Variants in PDE1C observed in about 807,000 individuals in gnomAD.
PDE1C encodes the protein dual specificity calcium/calmodulin-dependent 3',5'-cyclic nucleotide phosphodiesterase 1C.
A neutral mutation model predicts 93.1 loss-of-function variants in PDE1C; 62 were observed. The observed-to-expected ratio is 0.67, with a 90% CI of 0.54 to 0.82. PDE1C has a LOEUF of 0.82. Ranked by LOEUF, PDE1C falls within the 40% of genes least tolerant of loss-of-function variation. PDE1C has a pLI of 0.00. For missense variants in PDE1C, 742 were observed against 884.6 expected, an observed-to-expected ratio of 0.84 and a Z score of 2.04; for synonymous variants, 325 against 310.1, an observed-to-expected ratio of 1.05 and a Z score of -0.50.
chr7:31,629,285 A>G, the PDE1C span, among the ~76,000 whole-genome samples: 3 of 19,050 alleles, frequency 1.6e-4, no homozygotes, highest in South Asian at 2.5e-3. Context: ...AAACAACACA[A>G]TCTTTATATA....
At chr7:31,980,285 T>C (rs571157450) in intron 2 of PDE1C, among the ~76,000 whole-genome samples, 2 of 152,220 alleles carry the variant, frequency 1.3e-5, no homozygotes, top group Non-Finnish European at 2.9e-5. Context: ...GAAGTAATTA[T>C]TTTTAGAATA....
intron 1 of PDE1C, among the ~76,000 whole-genome samples, chr7:32,067,273 C>T (rs1795511447): frequency 6.6e-6 from 1 of 152,070 alleles, no homozygotes; most frequent in Non-Finnish European, 1.5e-5. Context: ...TTACTGTATA[C>T]CGGGTGGAAG....
intron 1 of PDE1C, among the ~76,000 whole-genome samples, chr7:32,408,605 A>G (rs765062882): frequency 1.4e-4 from 22 of 152,314 alleles, no homozygotes; most frequent in Non-Finnish European, 2.9e-4. Context: ...CCTAGCCAAC[A>G]TGGGGAAACC....
At chr7:32,413,965 T>G (rs1785223253) in intron 1 of PDE1C, among the ~76,000 whole-genome samples, 1 of 152,050 alleles carries the variant, frequency 6.6e-6, no homozygotes, top group South Asian at 2.1e-4. Context: ...GTAATCCCAG[T>G]ACTTTCAGAG....
chr7:32,181,091 G>A (rs1803374799), intron 2 of PDE1C, among the ~76,000 whole-genome samples: 1 of 152,112 alleles, frequency 6.6e-6, no homozygotes, highest in East Asian at 1.9e-4. Context: ...CATGATATCT[G>A]GATCATATAT....
chr7:32,007,171 T>C (rs760590412), intron 2 of PDE1C, among the ~76,000 whole-genome samples: 48 of 152,190 alleles, frequency 3.2e-4, no homozygotes, highest in Non-Finnish European at 2.5e-4. Flanking sequence ...CCCAAATAGA[T>C]CTTAAAGACA....
the PDE1C span, among the ~76,000 whole-genome samples, chr7:31,665,873 G>T: frequency 6.6e-6 from 1 of 152,164 alleles, no homozygotes; most frequent in African/African-American, 2.4e-5. Flanking sequence ...AGGAAAAGTT[G>T]ATGTTGATTA....
intron 2 of PDE1C, among the ~76,000 whole-genome samples, chr7:31,979,906 C>A (rs906453932): frequency 2.6e-5 from 4 of 152,222 alleles, no homozygotes; most frequent in African/African-American, 9.6e-5. Flanking sequence ...CAACACTCTT[C>A]AGATCATGAG....
intron 6 of PDE1C, among the ~76,000 whole-genome samples, chr7:31,873,019 G>C (rs1796131098): frequency 6.6e-6 from 1 of 152,150 alleles, no homozygotes; most frequent in African/African-American, 2.4e-5. Flanking sequence ...AAGGGAGCTT[G>C]GTTATTACAG....
chr7:32,413,270 G>A (rs1172472473), intron 1 of PDE1C, among the ~76,000 whole-genome samples: 1 of 152,178 alleles, frequency 6.6e-6, no homozygotes, highest in East Asian at 1.9e-4. Flanking sequence ...AAATAGATAT[G>A]TGATAAGGCA....
At chr7:31,777,003 AG>A (rs1041783327) in intron 16 of PDE1C, among the ~76,000 whole-genome samples, 2 of 79,786 alleles carry the variant, frequency 2.5e-5, no homozygotes, top group Admixed American at 1.8e-4. Flanking sequence ...GGGTGGGGGG[AG>A]GGGGGAGGGA....
At chr7:31,672,255 C>T in the PDE1C span, among the ~76,000 whole-genome samples, 13 of 152,130 alleles carry the variant, frequency 8.5e-5, no homozygotes, top group Admixed American at 6.5e-4. Context: ...AGAGAAAATA[C>T]ATCATATGAT....
intron 2 of PDE1C, among the ~76,000 whole-genome samples, chr7:31,904,523 T>C (rs1025494341): frequency 1.3e-5 from 2 of 152,078 alleles, no homozygotes; most frequent in African/African-American, 4.8e-5. Flanking sequence ...TATTTAAATA[T>C]GGAGCAAGTT....
intron 1 of PDE1C, among the ~76,000 whole-genome samples, chr7:32,237,231 C>T (rs982523896): frequency 1.3e-5 from 2 of 151,720 alleles, no homozygotes; most frequent in African/African-American, 2.4e-5. Context: ...GGACTATAGG[C>T]GCCTACCACC....
the PDE1C span, among the ~76,000 whole-genome samples, chr7:31,634,790 A>G: frequency 6.6e-6 from 1 of 152,194 alleles, no homozygotes; most frequent in African/African-American, 2.4e-5. Context: ...AGGTGATAAG[A>G]TCTAGCTGGA....
intron 17 of PDE1C, among the ~76,000 whole-genome samples, chr7:31,757,233 CAT>C (rs1794524066): frequency 6.6e-6 from 1 of 152,074 alleles, no homozygotes; most frequent in Non-Finnish European, 1.5e-5. Flanking sequence ...AAAATATAAA[CAT>C]ATGTGCATAG....
chr7:32,102,637 G>A (rs1219860330), intron 3 of PDE1C, among the ~76,000 whole-genome samples: 2 of 152,202 alleles, frequency 1.3e-5, no homozygotes, highest in African/African-American at 4.8e-5. Context: ...ATTCCTGGGA[G>A]GTCTGGAGTG....
At chr7:31,945,851 T>C (rs1806535061) in intron 2 of PDE1C, among the ~76,000 whole-genome samples, 1 of 152,194 alleles carries the variant, frequency 6.6e-6, no homozygotes, top group African/African-American at 2.4e-5. Context: ...GGTGTTTTGT[T>C]CCATTTTTTT....
chr7:32,125,520 G>A (rs907455242), intron 3 of PDE1C, among the ~76,000 whole-genome samples: 15 of 152,068 alleles, frequency 9.9e-5, no homozygotes, highest in Admixed American at 3.3e-4. Flanking sequence ...TATATACATC[G>A]TGGAATACTA....
Sources: allele counts gnomAD v4.1 joint callset (sites outside exome capture counted in the v4.1 genomes callset), GRCh38; gene constraint gnomAD v4.1.1; transcripts MANE v1.5; gene names NCBI Gene and HGNC (gene_info 2026-07-23, HGNC 2026-07-21).